Variants in ZNF277 observed in about 807,000 individuals in gnomAD.
ZNF277 encodes zinc finger protein 277.
In ZNF277, 55 loss-of-function variants were observed where a neutral mutation model predicts 60.7. The observed-to-expected ratio is 0.91, with a 90% CI of 0.73 to 1.13. The LOEUF is 1.13. Ranked by LOEUF, ZNF277 falls within the 50% of genes most tolerant of loss-of-function variation. ZNF277 has a pLI of 0.00. For synonymous variants in ZNF277, 178 were observed against 179.3 expected (o/e 0.99, Z 0.06); for missense variants, 510 against 523.0 (o/e 0.98, Z 0.24).
chr7:112,333,142 A>G (rs1793259507), intron 7 of ZNF277, among the ~76,000 whole-genome samples: 1 of 150,382 alleles, frequency 6.6e-6, no homozygotes, highest in South Asian at 2.1e-4. Flanking sequence ...AATAATGACA[A>G]TACTTTATTT....
rs146611204 is a variant in ZNF277 at position 112,245,461 on chromosome 7, G to A, written c.91+38654G>A. Among the ~76,000 whole-genome samples the A allele has an allele frequency of 1.2e-4, 19 of 152,170 alleles. No homozygotes were observed. In the East Asian group the frequency reaches 2.3e-3, roughly 19 times the overall value. On this transcript the variant is annotated intron_variant, in intron 1 of 11. Coordinates refer to ENST00000361822, the MANE Select transcript of ZNF277 (RefSeq NM_021994.3). Reference sequence around the variant, plus strand: ...TTCCATGGTTGTTGTGGATACGTTCGTTTTCTATGCTATGTCATAGCATAG... The same window carrying A: ...TTCCATGGTTGTTGTGGATACGTTCATTTTCTATGCTATGTCATAGCATAG...
intron 1 of ZNF277, among the ~76,000 whole-genome samples, chr7:112,258,298 G>T (rs1791370135): frequency 6.6e-6 from 1 of 151,298 alleles, no homozygotes; most frequent in South Asian, 2.1e-4. Context: ...TCCTAGTTAG[G>T]ATTACTAGAT....
intron 5 of ZNF277, among the ~76,000 whole-genome samples, chr7:112,326,622 A>G (rs1431966332): frequency 6.7e-6 from 1 of 150,198 alleles, no homozygotes; most frequent in Non-Finnish European, 1.5e-5. Flanking sequence ...AAGGTTAATA[A>G]ATGTATCTCT....
rs1793132264 is a variant in ZNF277, at chr7:112,327,773, A to G, written c.614A>G (p.Asp205Gly). The stretch of plus-strand genomic sequence containing the variant: ...CATGCTTTCAACATTGGATTGCCAG[A>G]CAACATTGTAAACTGCAATGAATTT... ...REHAFNIGLPDNIVNCNEFLC... is the reference protein window; with the variant it reads ...REHAFNIGLPGNIVNCNEFLC... Residue 205 changes from aspartate to glycine, a missense_variant, in exon 6 of 12, where the codon GAC becomes GGC. Transcript: ENST00000361822. The G allele has an allele frequency of 6.2e-7, 1 of 1,612,560 alleles. No individual in the cohort carries two copies. The highest frequency in any genetic ancestry group is 1.7e-5 in the Admixed American group (1 of 59,652).
At chr7:112,229,347 A>G (rs1428722519) in intron 1 of ZNF277, among the ~76,000 whole-genome samples, 3 of 152,246 alleles carry the variant, frequency 2.0e-5, no homozygotes, top group Non-Finnish European at 4.4e-5. Context: ...CTTGCATACA[A>G]CACTGCAAAG....
intron 4 of ZNF277, among the ~76,000 whole-genome samples, chr7:112,311,317 A>C (rs1035678523): frequency 6.6e-6 from 1 of 152,104 alleles, no homozygotes; most frequent in African/African-American, 2.4e-5. Context: ...TATATAGCTT[A>C]TTATTATGAC....
At chr7:112,219,294 A>G (rs1821966826) in intron 1 of ZNF277, among the ~76,000 whole-genome samples, 1 of 152,208 alleles carries the variant, frequency 6.6e-6, no homozygotes, top group South Asian at 2.1e-4. Context: ...ATCTTTGGCC[A>G]GACTAATGTC....
At chr7:112,326,805 G>A (rs908163445) in intron 5 of ZNF277, among the ~76,000 whole-genome samples, 7 of 152,082 alleles carry the variant, frequency 4.6e-5, no homozygotes, top group Non-Finnish European at 8.8e-5. Flanking sequence ...ACTATGCATA[G>A]TCTATCAATG....
intron 1 of ZNF277, among the ~76,000 whole-genome samples, chr7:112,281,030 G>C (rs909629958): frequency 2.0e-5 from 3 of 152,202 alleles, no homozygotes; most frequent in Admixed American, 6.5e-5. Flanking sequence ...CTGCTCTCCA[G>C]TGCTTAGTAA....
chr7:112,288,362 C>T (rs1242360429), intron 2 of ZNF277: 1 of 152,190 alleles, frequency 6.6e-6, no homozygotes, highest in Admixed American at 6.5e-5. Flanking sequence ...TGCATCTAAA[C>T]TCTGTTTCTC....
chr7:112,254,900 G>A (rs1184724046), intron 1 of ZNF277, among the ~76,000 whole-genome samples: 1 of 152,146 alleles, frequency 6.6e-6, no homozygotes, highest in African/African-American at 2.4e-5. Flanking sequence ...GAGCCCAGGG[G>A]AGTTCAAGGC....
At chr7:112,289,727 C>A (rs1325713988) in intron 2 of ZNF277, among the ~76,000 whole-genome samples, 1 of 152,072 alleles carries the variant, frequency 6.6e-6, no homozygotes, top group Admixed American at 6.6e-5. Flanking sequence ...TATTAGTCAG[C>A]TTTTCTTTAA....
At chr7:112,323,655 C>T (rs1190194672) in intron 5 of ZNF277, among the ~76,000 whole-genome samples, 1 of 152,162 alleles carries the variant, frequency 6.6e-6, no homozygotes, top group Admixed American at 6.5e-5. Flanking sequence ...AGCCATGTTT[C>T]TTAAATAAAT....
At chr7:112,257,898 C>T (rs1426127508) in intron 1 of ZNF277, among the ~76,000 whole-genome samples, 4 of 152,036 alleles carry the variant, frequency 2.6e-5, no homozygotes, top group East Asian at 1.9e-4. Flanking sequence ...ACAGCAACCC[C>T]GAACTCCTAG....
At chr7:112,279,699 A>T (rs994655188) in intron 1 of ZNF277, among the ~76,000 whole-genome samples, 2 of 152,226 alleles carry the variant, frequency 1.3e-5, no homozygotes, top group African/African-American at 4.8e-5. Flanking sequence ...TGACCAGAAC[A>T]TAACAGTCAA....
intron 1 of ZNF277, among the ~76,000 whole-genome samples, chr7:112,214,757 G>C (rs1452082973): frequency 6.6e-6 from 1 of 152,086 alleles, no homozygotes; most frequent in Non-Finnish European, 1.5e-5. Context: ...AAATTTTATA[G>C]GATAATGTGG....
intron 2 of ZNF277, among the ~76,000 whole-genome samples, chr7:112,289,712 G>A (rs868610820): frequency 1.3e-5 from 2 of 151,952 alleles, no homozygotes; most frequent in African/African-American, 4.8e-5. Context: ...CTTTCCTAAG[G>A]CTTCTATTAG....
intron 4 of ZNF277, among the ~76,000 whole-genome samples, chr7:112,302,785 G>T (rs992750109): frequency 1.3e-5 from 2 of 151,958 alleles, no homozygotes; most frequent in Non-Finnish European, 2.9e-5. Context: ...GGAAATGCAA[G>T]GTCAAGGACA....
chr7:112,228,643 T>G (rs1822240715), intron 1 of ZNF277, among the ~76,000 whole-genome samples: 1 of 152,070 alleles, frequency 6.6e-6, no homozygotes, highest in South Asian at 2.1e-4. Context: ...GCCAGGCTTT[T>G]CCAACACTCT....
Sources: gnomAD v4.1 joint callset for allele counts (sites outside exome capture counted in the v4.1 genomes callset) on GRCh38, gnomAD v4.1.1 for gene constraint, MANE v1.5 for transcripts, NCBI Gene and HGNC (gene_info 2026-07-23, HGNC 2026-07-21) for gene names.